The following TLE1 variants were observed in gnomAD, a reference collection of about 807,000 sequenced individuals.
The protein encoded by TLE1 is transducin-like enhancer protein 1.
TLE1 carries 21 observed loss-of-function variants against 89.8 expected under a neutral mutation model. The observed-to-expected ratio is 0.23, with a 90% CI of 0.17 to 0.34. The LOEUF (loss-of-function observed/expected upper bound fraction) is 0.34. Ranked by LOEUF, TLE1 falls within the 10% of genes least tolerant of loss-of-function variation. The probability of loss-of-function intolerance (pLI) is 1.00; values close to 1 mark genes in which losing one functional copy is unlikely to be tolerated. For synonymous variants in TLE1, 447 were observed against 407.6 expected (o/e 1.10, Z -1.16); for missense variants, 795 against 1,031.2 (o/e 0.77, Z 3.14).
intron 4 of TLE1, among the ~76,000 whole-genome samples, chr9:81,659,324 A>G (rs933795165): frequency 1.3e-5 from 2 of 152,208 alleles, no homozygotes; most frequent in Non-Finnish European, 2.9e-5. Context: ...ACTCCAGTGA[A>G]AAACTGAGGG....
chr9:81,627,580 G>C (rs1826057711), intron 8 of TLE1, among the ~76,000 whole-genome samples: 1 of 152,082 alleles, frequency 6.6e-6, no homozygotes. Flanking sequence ...TTTAAACTTG[G>C]CCAGAAGGGA....
chr9:81,635,634 C>A (rs751246425), intron 6 of TLE1, among the ~76,000 whole-genome samples: 7 of 152,170 alleles, frequency 4.6e-5, no homozygotes, highest in Admixed American at 1.3e-4. Context: ...GATTTGTGCT[C>A]ACTTCCTTGG....
chr9:81,590,549 T>C (rs918026766), intron 16 of TLE1, among the ~76,000 whole-genome samples: 3 of 152,152 alleles, frequency 2.0e-5, no homozygotes, highest in African/African-American at 4.8e-5. Flanking sequence ...TAGAACAAGT[T>C]TGGAGTCTGT....
Position 81,616,789 on chromosome 9 carries a change from G to C in TLE1, c.712-90C>G, listed in dbSNP as rs879061837. The C allele has an allele frequency of 1.2e-4, 183 of 1,505,992 alleles. 2 individuals carry two copies. In the South Asian group the frequency reaches 2.1e-3, roughly 17 times the overall value. The allele number at this position is 1,505,992 out of a possible 1,614,324, so 93.3% of individuals were successfully genotyped here. On this transcript the variant is annotated intron_variant, in intron 9 of 19. Transcript: ENST00000376499. ...TTTCTTTCTATAGTTCCTGGTAGCA[G>C]ACAGACTAAAAAAACTACCTGGGAC...
chr9:81,683,757 A>G lies in TLE1; in HGVS notation c.234+1919T>C, dbSNP rs540344548. On this transcript the variant is annotated intron_variant, in intron 4 of 19. Coordinates refer to ENST00000376499, the MANE Select transcript of TLE1 (RefSeq NM_005077.5). ...AGCTTTTCACGTTTTTCAAATTGCTAAGCCAATTATACACAGCATATTATT... is the reference window on the plus strand; with the variant it reads ...AGCTTTTCACGTTTTTCAAATTGCTGAGCCAATTATACACAGCATATTATT... Among the ~76,000 whole-genome samples, 16 of 152,278 alleles carry G rather than the reference A, an allele frequency of 1.1e-4. No individual in the cohort carries two copies. The South Asian group carries it at 3.1e-3, about 30-fold the overall frequency.
intron 3 of TLE1, 47 bp from the exon 4 acceptor site, chr9:81,685,767 T>C (rs761193291): frequency 8.7e-6 from 14 of 1,612,272 alleles, no homozygotes; most frequent in East Asian, 2.2e-5. Flanking sequence ...TCATGTTTTT[T>C]ACACTCTGCT....
chr9:81,673,703 C>T (rs1051883769), intron 4 of TLE1, among the ~76,000 whole-genome samples: 1 of 151,624 alleles, frequency 6.6e-6, no homozygotes, highest in African/African-American at 2.4e-5. Flanking sequence ...AAGGTTGACA[C>T]GGGGAGGGGG....
chr9:81,680,971 A>G (rs762230554), intron 4 of TLE1, among the ~76,000 whole-genome samples: 6 of 151,878 alleles, frequency 4.0e-5, no homozygotes, highest in Non-Finnish European at 7.3e-5. Flanking sequence ...AAATTTGCAA[A>G]AGAGTAAAAG....
intron 4 of TLE1, among the ~76,000 whole-genome samples, chr9:81,671,576 C>T (rs750206113): frequency 1.3e-5 from 2 of 151,512 alleles, no homozygotes; most frequent in Admixed American, 6.6e-5. Context: ...ACCCGGGAGG[C>T]GAAGCTTGCA....
At chr9:81,592,904 C>T in intron 15 of TLE1, 121 bp downstream of exon 15, 1 of 1,386,408 alleles carries the variant, frequency 7.2e-7, no homozygotes. Flanking sequence ...ATAACCAACA[C>T]AGGAAACAGA....
chr9:81,672,313 C>A (rs1185180999), intron 4 of TLE1, among the ~76,000 whole-genome samples: 1 of 151,000 alleles, frequency 6.6e-6, no homozygotes, highest in African/African-American at 2.5e-5. Context: ...GCCTTTCTCC[C>A]CTGCAATAAA....
chr9:81,685,775 G>A, intron 3 of TLE1, 55 bp from the exon 4 acceptor site: 1 of 1,611,612 alleles, frequency 6.2e-7, no homozygotes, highest in Non-Finnish European at 8.5e-7. Context: ...TTTACACTCT[G>A]CTAACACGTT....
At chr9:81,661,000 C>T (rs62576198) in intron 4 of TLE1, among the ~76,000 whole-genome samples, 1,757 of 145,752 alleles carry the variant, frequency 0.012, 14 homozygotes, top group South Asian at 0.023. Context: ...CGTGGTGGCA[C>T]GTGCCTGTAG....
chr9:81,600,989 C>A (rs949080668), intron 14 of TLE1, among the ~76,000 whole-genome samples: 3 of 152,274 alleles, frequency 2.0e-5, no homozygotes, highest in Admixed American at 2.0e-4. Context: ...AGCTTGCAGA[C>A]AATAAATCAT....
chr9:81,616,433 G>T (rs1428813797), intron 10 of TLE1, among the ~76,000 whole-genome samples: 1 of 152,148 alleles, frequency 6.6e-6, no homozygotes, highest in African/African-American at 2.4e-5. Context: ...CATTCAAAAT[G>T]TCTAGAGAAA....
rs373801253 is a variant in TLE1 at position 81,640,298 on chromosome 9, C to CA, written c.373-5998dup. 2.2e-3 allele frequency among the ~76,000 whole-genome samples: 328 copies of CA among 152,184 alleles called. 2 individuals carry two copies. Among genetic ancestry groups the CA allele is most frequent in the African/African-American group, 7.7e-3 (318 of 41,526 alleles). ...AAAAATACTATTCAACATTCAATCA[C>CA]ATTCACTGTCCTTTCATCGCCATCT... On this transcript the variant is annotated intron_variant, in intron 6 of 19. Transcript: ENST00000376499.
intron 6 of TLE1, among the ~76,000 whole-genome samples, chr9:81,637,650 T>TC: frequency 6.6e-6 from 1 of 151,054 alleles, no homozygotes; most frequent in Non-Finnish European, 1.5e-5. Flanking sequence ...GTTTCTTTTT[T>TC]TTTTTTTTTT....
chr9:81,670,099 ATCTT>A (rs1303609897), intron 4 of TLE1, among the ~76,000 whole-genome samples: 1 of 152,226 alleles, frequency 6.6e-6, no homozygotes, highest in African/African-American at 2.4e-5. Context: ...TGGATATCTT[ATCTT>A]TCTATTGCTC....
At chr9:81,686,708 G>A (rs1009228843) in intron 2 of TLE1, among the ~76,000 whole-genome samples, 7 of 152,156 alleles carry the variant, frequency 4.6e-5, no homozygotes, top group Admixed American at 3.3e-4. Flanking sequence ...AAATTTATAA[G>A]TCCTTTGAAG....
Sources: gnomAD v4.1 joint callset for allele counts (sites outside exome capture counted in the v4.1 genomes callset) on GRCh38, gnomAD v4.1.1 for gene constraint, MANE v1.5 for transcripts, NCBI Gene and HGNC (gene_info 2026-07-23, HGNC 2026-07-21) for gene names.